Variants in CCNY observed in about 807,000 individuals in gnomAD.
The protein encoded by CCNY is cyclin-Y.
Under a neutral mutation model 42.8 loss-of-function variants are expected in CCNY, and 19 were observed. The ratio of observed to expected loss-of-function variants is 0.44; its 90% CI spans 0.31 to 0.65. CCNY has a LOEUF of 0.65. Ranked by LOEUF, CCNY falls within the 30% of genes least tolerant of loss-of-function variation. The pLI is 0.07. For synonymous variants in CCNY, 165 were observed against 162.7 expected (o/e 1.01, Z -0.11); for missense variants, 370 against 437.3 (o/e 0.85, Z 1.37).
chr10:35,516,810 T>C (rs918826163), intron 4 of CCNY, among the ~76,000 whole-genome samples, 187 bp downstream of exon 4: 1 of 151,880 alleles, frequency 6.6e-6, no homozygotes, highest in African/African-American at 2.4e-5. Context: ...AGGAAATCTT[T>C]TTAAAAAATG....
chr10:35,413,556 A>G (rs1453605338), intron 1 of CCNY, among the ~76,000 whole-genome samples: 1 of 152,204 alleles, frequency 6.6e-6, no homozygotes, highest in Non-Finnish European at 1.5e-5. Context: ...TCAGACTGTA[A>G]AACTTGGAAG....
intron 1 of CCNY, among the ~76,000 whole-genome samples, chr10:35,460,072 G>A (rs1386717197): frequency 6.6e-6 from 1 of 152,200 alleles, no homozygotes; most frequent in Non-Finnish European, 1.5e-5. Flanking sequence ...GATGTTAACA[G>A]CATCTCTTCC....
Position 35,301,978 on chromosome 10 carries a change from T to A in CCNY, c.-9+51352T>A, listed in dbSNP as rs190669272. On this transcript the variant is annotated intron_variant, in intron 3 of 11. Transcript: ENST00000374706. ...TATTTATTTATTTATTTATTTATTT[T>A]TTGAGGCGGAGTTTTGCTCTTATCG... Among the ~76,000 whole-genome samples, 1,312 of 150,812 alleles carry A rather than the reference T, an allele frequency of 8.7e-3. 39 individuals carry two copies. In the South Asian group the frequency reaches 0.1, roughly 12 times the overall value.
At chr10:35,544,296 A>G (rs1350168761) in intron 7 of CCNY, among the ~76,000 whole-genome samples, 2 of 152,110 alleles carry the variant, frequency 1.3e-5, no homozygotes, top group African/African-American at 2.4e-5. Flanking sequence ...TCAATACCAT[A>G]TTTTTATGGT....
chr10:35,406,628 T>G (rs546400377), intron 1 of CCNY, among the ~76,000 whole-genome samples: 12 of 152,290 alleles, frequency 7.9e-5, no homozygotes, highest in African/African-American at 2.6e-4. Context: ...CATGTCTACC[T>G]CTTTCTACAC....
chr10:35,414,288 G>T (rs1007681686), intron 1 of CCNY, among the ~76,000 whole-genome samples: 1 of 152,212 alleles, frequency 6.6e-6, no homozygotes, highest in Admixed American at 6.5e-5. Flanking sequence ...CCCCTTCCAA[G>T]ATCCCTCGCA....
chr10:35,448,390 C>T (rs148903462), intron 1 of CCNY, among the ~76,000 whole-genome samples: 4 of 152,206 alleles, frequency 2.6e-5, no homozygotes, highest in Non-Finnish European at 1.5e-5. Flanking sequence ...CATTACTTGC[C>T]GTGTGACTTT....
intron 1 of CCNY, among the ~76,000 whole-genome samples, chr10:35,358,647 TACA>T (rs1282075453): frequency 2.0e-5 from 3 of 152,186 alleles, no homozygotes; most frequent in Non-Finnish European, 4.4e-5. Context: ...GACCTGTAGA[TACA>T]ACAAGCCACT....
intron 1 of CCNY, among the ~76,000 whole-genome samples, chr10:35,402,826 A>T (rs1589094313): frequency 6.6e-6 from 1 of 152,210 alleles, no homozygotes; most frequent in Non-Finnish European, 1.5e-5. Flanking sequence ...AGGTAAAACC[A>T]GGAGCCACTA....
intron 3 of CCNY, among the ~76,000 whole-genome samples, chr10:35,259,838 A>G (rs1464103676): frequency 6.6e-6 from 1 of 151,728 alleles, no homozygotes. Flanking sequence ...TTTAATGTAG[A>G]AAAGAAAATG....
At chr10:35,328,152 C>T (rs984531256) in intron 3 of CCNY, among the ~76,000 whole-genome samples, 1 of 152,136 alleles carries the variant, frequency 6.6e-6, no homozygotes, top group Non-Finnish European at 1.5e-5. Flanking sequence ...CAATTTTGGG[C>T]CCCCTAACGG....
intron 1 of CCNY, among the ~76,000 whole-genome samples, chr10:35,418,476 C>T (rs537216928): frequency 3.8e-4 from 58 of 152,320 alleles, no homozygotes; most frequent in African/African-American, 1.3e-3. Context: ...ATCTATGAAG[C>T]AGTGGGAGCC....
intron 1 of CCNY, among the ~76,000 whole-genome samples, chr10:35,424,622 A>C (rs1483091674): frequency 6.6e-6 from 1 of 152,216 alleles, no homozygotes; most frequent in Non-Finnish European, 1.5e-5. Context: ...TGATGCTCAC[A>C]GAATCAACAC....
At chr10:35,263,042 T>C (rs2095721391) in intron 3 of CCNY, among the ~76,000 whole-genome samples, 1 of 151,970 alleles carries the variant, frequency 6.6e-6, no homozygotes, top group Admixed American at 6.6e-5. Flanking sequence ...AGCAATATAA[T>C]GAGACCCTGT....
At chr10:35,394,886 T>C in intron 1 of CCNY, 1 of 981,452 alleles carries the variant, frequency 1.0e-6, no homozygotes, top group Non-Finnish European at 1.2e-6. Context: ...ACTGTGAGTC[T>C]GTGCCTTGGA....
At chr10:35,397,099 G>T (rs1218820380) in intron 1 of CCNY, among the ~76,000 whole-genome samples, 1 of 152,190 alleles carries the variant, frequency 6.6e-6, no homozygotes, top group African/African-American at 2.4e-5. Flanking sequence ...TCCTAGGGCT[G>T]GGGTCCCTCT....
At position 35,569,536 on chromosome 10, in the gene CCNY, G is replaced by C. The variant is rs576767710; in HGVS notation, c.*366G>C. Reference sequence around the variant, plus strand: ...GCTGAAGTTGGCGAGCGCAGCGGTGGATGCAGAGCTGGCTGCACCCAGGGC... The same window carrying C: ...GCTGAAGTTGGCGAGCGCAGCGGTGCATGCAGAGCTGGCTGCACCCAGGGC... On this transcript the variant is annotated 3_prime_UTR_variant, in exon 10 of 10. Transcript: ENST00000374704. 3.6e-6 allele frequency: 1 copy of C among 280,596 alleles called. No individual in the cohort carries two copies. Among genetic ancestry groups the C allele is most frequent in the South Asian group, 4.7e-5 (1 of 21,182 alleles). The allele number at this position is 280,596 out of a possible 1,614,324, so 17.4% of individuals were successfully genotyped here.
At chr10:35,542,856 G>T (rs879583131) in intron 7 of CCNY, among the ~76,000 whole-genome samples, 1 of 152,202 alleles carries the variant, frequency 6.6e-6, no homozygotes, top group South Asian at 2.1e-4. Context: ...GACATATTCA[G>T]TTGTTCCTTC....
chr10:35,512,925 T>C (rs936238584), intron 3 of CCNY, among the ~76,000 whole-genome samples: 1 of 152,172 alleles, frequency 6.6e-6, no homozygotes. Flanking sequence ...CTCATCATCC[T>C]GCGCTTTGAT....
Sources: allele counts gnomAD v4.1 joint callset (sites outside exome capture counted in the v4.1 genomes callset), GRCh38; gene constraint gnomAD v4.1.1; transcripts MANE v1.5; gene names NCBI Gene and HGNC (gene_info 2026-07-23, HGNC 2026-07-21).